Variants in CDKAL1 observed in about 807,000 individuals in gnomAD.
CDKAL1 encodes the protein CDKAL1 threonylcarbamoyladenosine tRNA methylthiotransferase, also known as threonylcarbamoyladenosine tRNA methylthiotransferase.
In CDKAL1, 32 loss-of-function variants were observed where a neutral mutation model predicts 68.2. The observed-to-expected ratio is 0.47, with a 90% CI of 0.35 to 0.63. The LOEUF (loss-of-function observed/expected upper bound fraction) is 0.63, where lower values mean the gene tolerates loss of function less well. Among genes scored for constraint, CDKAL1 ranks in the 30% least tolerant of loss-of-function variants. CDKAL1 has a pLI of 0.00. For missense variants in CDKAL1, 606 were observed against 696.7 expected (o/e 0.87, Z 1.47); for synonymous variants, 234 against 244.3 (o/e 0.96, Z 0.39).
At chr6:21,109,004 C>T (rs560705981) in intron 13 of CDKAL1, among the ~76,000 whole-genome samples, 11 of 152,102 alleles carry the variant, frequency 7.2e-5, no homozygotes, top group East Asian at 1.9e-4. Context: ...ATTCATAGTC[C>T]GTCTGTGTCA....
At chr6:21,038,879 T>C (rs1242513507) in intron 11 of CDKAL1, among the ~76,000 whole-genome samples, 4 of 152,354 alleles carry the variant, frequency 2.6e-5, no homozygotes, top group African/African-American at 9.6e-5. Context: ...CATCTATGAA[T>C]GGAGAAAATA....
At chr6:20,712,813 T>G (rs558111962) in intron 5 of CDKAL1, among the ~76,000 whole-genome samples, 87 of 151,600 alleles carry the variant, frequency 5.7e-4, no homozygotes, top group Middle Eastern at 3.4e-3. Flanking sequence ...CCCAGCTAAG[T>G]TTTTGTATTT....
chr6:20,623,046 G>A (rs1326925904), intron 4 of CDKAL1, among the ~76,000 whole-genome samples: 2 of 151,888 alleles, frequency 1.3e-5, no homozygotes, highest in Admixed American at 1.3e-4. Flanking sequence ...TTTTTGTATG[G>A]ATTTTTTGGG....
chr6:20,642,477 G>GAAAAAAAAAAAA (rs70990055), intron 4 of CDKAL1, among the ~76,000 whole-genome samples: 1 of 117,850 alleles, frequency 8.5e-6, no homozygotes, highest in Non-Finnish European at 1.7e-5. Flanking sequence ...ATGAAAAACA[G>GAAAAAAAAAAAA]AAAAAAAAAA....
intron 4 of CDKAL1, among the ~76,000 whole-genome samples, chr6:20,610,930 C>T (rs1766590721): frequency 6.6e-6 from 1 of 152,142 alleles, no homozygotes; most frequent in South Asian, 2.1e-4. Context: ...CTGTCTTAGC[C>T]TCCTGAATAG....
intron 2 of CDKAL1, among the ~76,000 whole-genome samples, chr6:20,540,004 T>C (rs937533691): frequency 1.3e-5 from 2 of 152,024 alleles, no homozygotes; most frequent in Non-Finnish European, 2.9e-5. Flanking sequence ...ATGTTGTTGA[T>C]TGATTGGATT....
intron 11 of CDKAL1, among the ~76,000 whole-genome samples, chr6:21,003,016 T>C (rs1767512420): frequency 6.6e-6 from 1 of 151,250 alleles, no homozygotes; most frequent in African/African-American, 2.4e-5. Flanking sequence ...CCTTGCATAG[T>C]TTTAGACAGT....
chr6:20,739,308 G>T (rs1314169379), intron 5 of CDKAL1, among the ~76,000 whole-genome samples: 1 of 152,180 alleles, frequency 6.6e-6, no homozygotes, highest in Non-Finnish European at 1.5e-5. Context: ...GGCATTATCA[G>T]ATTGGACTGC....
chr6:20,755,025 A>T (rs1293795682), intron 6 of CDKAL1, among the ~76,000 whole-genome samples: 1 of 152,186 alleles, frequency 6.6e-6, no homozygotes, highest in Non-Finnish European at 1.5e-5. Context: ...GTGCTACAAG[A>T]GTGGATGCAG....
At chr6:20,876,341 T>G (rs1159157854) in intron 9 of CDKAL1, among the ~76,000 whole-genome samples, 1 of 152,194 alleles carries the variant, frequency 6.6e-6, no homozygotes, top group East Asian at 1.9e-4. Flanking sequence ...TCAGTACAAA[T>G]GCGGAGGATA....
intron 10 of CDKAL1, among the ~76,000 whole-genome samples, chr6:20,969,879 A>G (rs1319835406): frequency 1.3e-5 from 2 of 151,544 alleles, no homozygotes; most frequent in African/African-American, 4.9e-5. Flanking sequence ...GGAACCTTCT[A>G]TATTCTAGGA....
chr6:20,847,643 A>G (rs187460069), intron 9 of CDKAL1, among the ~76,000 whole-genome samples: 1 of 152,238 alleles, frequency 6.6e-6, no homozygotes, highest in East Asian at 1.9e-4. Flanking sequence ...TCTCCTCTTC[A>G]CTCGCTTACA....
chr6:20,950,896 G>A (rs527442641), intron 9 of CDKAL1, among the ~76,000 whole-genome samples: 3 of 152,050 alleles, frequency 2.0e-5, no homozygotes, highest in South Asian at 4.2e-4. Context: ...CTTGAACCTC[G>A]GAGGCGGAGG....
intron 8 of CDKAL1, among the ~76,000 whole-genome samples, chr6:20,836,117 T>G (rs1401778833): frequency 6.6e-6 from 1 of 152,094 alleles, no homozygotes; most frequent in African/African-American, 2.4e-5. Flanking sequence ...CTCCTATGAA[T>G]AGCCCACACC....
At chr6:20,955,779 C>G (rs1289893059) in intron 10 of CDKAL1, among the ~76,000 whole-genome samples, 194 bp downstream of exon 10, 1 of 152,128 alleles carries the variant, frequency 6.6e-6, no homozygotes, top group African/African-American at 2.4e-5. Flanking sequence ...ACTTCCTCAT[C>G]ATTAATTAAC....
chr6:21,092,759 A>G (rs1773110027), intron 12 of CDKAL1, among the ~76,000 whole-genome samples: 1 of 151,608 alleles, frequency 6.6e-6, no homozygotes, highest in African/African-American at 2.4e-5. Context: ...GAAGTTACTG[A>G]TATTCTCAGA....
chr6:21,064,638 C>T (rs959092484), intron 11 of CDKAL1, among the ~76,000 whole-genome samples: 3 of 152,024 alleles, frequency 2.0e-5, no homozygotes, highest in African/African-American at 7.2e-5. Context: ...TGCAATTGTA[C>T]CAATGGAAGT....
chr6:20,639,581 C>T (rs551674380), intron 4 of CDKAL1, among the ~76,000 whole-genome samples: 1 of 152,304 alleles, frequency 6.6e-6, no homozygotes, highest in South Asian at 2.1e-4. Flanking sequence ...AACATGGTTA[C>T]TCCATGCTGA....
At chr6:20,761,891 G>A (rs1774484525) in intron 7 of CDKAL1, among the ~76,000 whole-genome samples, 1 of 152,140 alleles carries the variant, frequency 6.6e-6, no homozygotes, top group Non-Finnish European at 1.5e-5. Context: ...ACAACACCAA[G>A]CGTGAACCCT....
Sources: gnomAD v4.1 joint callset for allele counts (sites outside exome capture counted in the v4.1 genomes callset) on GRCh38, gnomAD v4.1.1 for gene constraint, MANE v1.5 for transcripts, NCBI Gene and HGNC (gene_info 2026-07-23, HGNC 2026-07-21) for gene names.